ZFYVE9: variants seen among roughly 807,000 people sequenced by gnomAD.
ZFYVE9 encodes the protein zinc finger FYVE domain-containing protein 9.
Under a neutral mutation model 126.7 loss-of-function variants are expected in ZFYVE9, and 43 were observed. The ratio of observed to expected loss-of-function variants is 0.34; its 90% CI spans 0.27 to 0.44. The LOEUF is 0.44. ZFYVE9 is among the 20% of genes least tolerant of loss of function. ZFYVE9 has a pLI of 1.00. For missense variants in ZFYVE9, 1,476 were observed against 1,697.0 expected, an observed-to-expected ratio of 0.87 and a Z score of 2.29; for synonymous variants, 521 against 597.4, an observed-to-expected ratio of 0.87 and a Z score of 1.87.
intron 1 of ZFYVE9, among the ~76,000 whole-genome samples, chr1:52,168,580 T>C (rs1254086191): frequency 6.6e-6 from 1 of 151,598 alleles, no homozygotes; most frequent in Admixed American, 6.6e-5. Context: ...TGCGGTGGCT[T>C]GATTGTGGCT....
chr1:52,236,071 A>G (rs1645270849), intron 3 of ZFYVE9, among the ~76,000 whole-genome samples: 1 of 152,158 alleles, frequency 6.6e-6, no homozygotes, highest in African/African-American at 2.4e-5. Flanking sequence ...AACAATGTTA[A>G]GTGAGGACTT....
At chr1:52,251,059 G>GTTGTTGT (rs1553128810) in intron 4 of ZFYVE9, among the ~76,000 whole-genome samples, 3 of 98,374 alleles carry the variant, frequency 3.0e-5, no homozygotes, top group African/African-American at 1.1e-4. Flanking sequence ...TGTTGTTGTT[G>GTTGTTGT]TTGTTTGTTT....
At chr1:52,258,930 A>G (rs1205246780) in intron 4 of ZFYVE9, among the ~76,000 whole-genome samples, 1 of 151,968 alleles carries the variant, frequency 6.6e-6, no homozygotes, top group African/African-American at 2.4e-5. Flanking sequence ...TTTTTATTCA[A>G]AAATCATTAT....
At chr1:52,319,100 G>A (rs1482426950) in intron 13 of ZFYVE9, among the ~76,000 whole-genome samples, 1 of 151,976 alleles carries the variant, frequency 6.6e-6, no homozygotes, top group African/African-American at 2.4e-5. Flanking sequence ...CTGTCTCAAA[G>A]AAAAAACCAC....
intron 16 of ZFYVE9, among the ~76,000 whole-genome samples, chr1:52,338,377 G>A (rs1415656826): frequency 2.6e-5 from 4 of 151,984 alleles, no homozygotes; most frequent in African/African-American, 9.7e-5. Context: ...CACCTTCTTG[G>A]GCTTCAAACT....
intron 1 of ZFYVE9, among the ~76,000 whole-genome samples, chr1:52,193,423 A>G (rs1644832880): frequency 6.8e-6 from 1 of 147,800 alleles, no homozygotes; most frequent in African/African-American, 2.5e-5. Flanking sequence ...AAGGATACAC[A>G]TGGCCGGGTG....
chr1:52,200,054 A>G (rs1322459589), intron 1 of ZFYVE9, among the ~76,000 whole-genome samples: 1 of 151,628 alleles, frequency 6.6e-6, no homozygotes, highest in Non-Finnish European at 1.5e-5. Flanking sequence ...TTGTTTTAAA[A>G]GTTCTTTGTA....
chr1:52,344,653 C>T, intron 17 of ZFYVE9, 115 bp from the exon 18 acceptor site: 10 of 1,122,212 alleles, frequency 8.9e-6, no homozygotes, highest in African/African-American at 1.6e-5. Context: ...GTGTCCTGTT[C>T]CTGTCATGTC....
intron 1 of ZFYVE9, among the ~76,000 whole-genome samples, chr1:52,182,277 T>A (rs1333539659): frequency 6.6e-6 from 1 of 152,206 alleles, no homozygotes; most frequent in Non-Finnish European, 1.5e-5. Context: ...GAAGGGGCCA[T>A]GATGACAGTG....
intron 13 of ZFYVE9, among the ~76,000 whole-genome samples, chr1:52,320,852 C>T (rs144033473): frequency 2.5e-4 from 38 of 152,166 alleles, no homozygotes; most frequent in African/African-American, 7.5e-4. Flanking sequence ...TGTAATTCAT[C>T]AGTTATTTTA....
intron 1 of ZFYVE9, among the ~76,000 whole-genome samples, chr1:52,198,347 G>C (rs994573404): frequency 2.6e-5 from 4 of 151,826 alleles, no homozygotes; most frequent in African/African-American, 9.7e-5. Context: ...GAGGTCAGGT[G>C]ATCCACCTGC....
chr1:52,212,752 AAG>A (rs1298534555), intron 1 of ZFYVE9, among the ~76,000 whole-genome samples: 2 of 152,236 alleles, frequency 1.3e-5, no homozygotes, highest in African/African-American at 4.8e-5. Context: ...TATGAATAAA[AAG>A]GGTTTCCTGT....
rs552991009 is a variant in ZFYVE9, at chr1:52,167,707, A to T, written c.-143+25304A>T. 3.9e-5 allele frequency among the ~76,000 whole-genome samples: 6 copies of T among 152,248 alleles called. No homozygotes were observed. In the South Asian group the frequency reaches 1.2e-3, roughly 32 times the overall value. ...TTGCTTTAATTTTGATGTGAAGCCA[A>T]TCAAGAGTACAGTAATACTCTTGAT... On this transcript the variant is annotated intron_variant, in intron 1 of 18. Transcript: ENST00000287727.
At chr1:52,209,537 C>G (rs1557458611) in intron 1 of ZFYVE9, among the ~76,000 whole-genome samples, 1 of 152,158 alleles carries the variant, frequency 6.6e-6, no homozygotes, top group African/African-American at 2.4e-5. Flanking sequence ...AATACACTTT[C>G]TGTCTCTGTG....
chr1:52,337,697 T>A, intron 15 of ZFYVE9, 75 bp from the exon 16 acceptor site: 1 of 1,547,518 alleles, frequency 6.5e-7, no homozygotes, highest in South Asian at 1.2e-5. Context: ...GGTTTACATT[T>A]AACTCGGAGG....
At chr1:52,155,238 T>TC (rs1396082131) in intron 1 of ZFYVE9, among the ~76,000 whole-genome samples, 5 of 131,980 alleles carry the variant, frequency 3.8e-5, no homozygotes, top group African/African-American at 1.8e-4. Context: ...TTTTTTCTTT[T>TC]TTTTTTTTTT....
chr1:52,278,890 C>A (rs1406375864), intron 9 of ZFYVE9, among the ~76,000 whole-genome samples: 1 of 151,782 alleles, frequency 6.6e-6, no homozygotes. Context: ...GCCACCACGC[C>A]CGGCTAATTT....
chr1:52,149,735 C>T (rs1344254530), intron 1 of ZFYVE9, among the ~76,000 whole-genome samples: 1 of 151,910 alleles, frequency 6.6e-6, no homozygotes, highest in South Asian at 2.1e-4. Flanking sequence ...CCTCGTGATC[C>T]ACCTGCTTTG....
intron 1 of ZFYVE9, among the ~76,000 whole-genome samples, chr1:52,210,710 A>G (rs1645020143): frequency 1.3e-5 from 2 of 152,128 alleles, no homozygotes; most frequent in African/African-American, 4.8e-5. Context: ...GCTGGAGTGC[A>G]GTGGTGCAAT....
Sources: allele counts gnomAD v4.1 joint callset (sites outside exome capture counted in the v4.1 genomes callset), GRCh38; gene constraint gnomAD v4.1.1; transcripts MANE v1.5; gene names NCBI Gene and HGNC (gene_info 2026-07-23, HGNC 2026-07-21).